SYBU: variants seen among roughly 807,000 people sequenced by gnomAD.
SYBU encodes the protein GOLSYN A protein.
SYBU carries 21 observed loss-of-function variants against 35.9 expected under a neutral mutation model. The observed-to-expected ratio is 0.58, with a 90% CI of 0.41 to 0.84. The LOEUF is 0.84. Among genes scored for constraint, SYBU ranks in the 40% least tolerant of loss-of-function variants. SYBU has a pLI of 0.00. For missense variants in SYBU, 768 were observed against 848.2 expected (o/e 0.91, Z 1.17); for synonymous variants, 319 against 324.3 (o/e 0.98, Z 0.18).
At chr8:109,672,343 T>C (rs537834164) in intron 1 of SYBU, among the ~76,000 whole-genome samples, 7 of 152,226 alleles carry the variant, frequency 4.6e-5, no homozygotes, top group Non-Finnish European at 7.4e-5. Flanking sequence ...GCTCATCTCA[T>C]TGGGGCTGGT....
intron 3 of SYBU, among the ~76,000 whole-genome samples, chr8:109,614,063 A>C (rs1811478082): frequency 6.6e-6 from 1 of 152,164 alleles, no homozygotes; most frequent in Non-Finnish European, 1.5e-5. Context: ...GATTCTTGTA[A>C]ATTTTAGTGA....
intron 3 of SYBU, chr8:109,608,092 T>A: frequency 1.4e-6 from 1 of 692,914 alleles, no homozygotes; most frequent in Non-Finnish European, 2.3e-6. Flanking sequence ...GGCAAGGAAG[T>A]TACTCTGCTG....
At chr8:109,609,601 C>T (rs1319273189) in intron 3 of SYBU, among the ~76,000 whole-genome samples, 1 of 152,130 alleles carries the variant, frequency 6.6e-6, no homozygotes, top group Non-Finnish European at 1.5e-5. Flanking sequence ...GCTAGTTGTA[C>T]ACTAATGTCC....
At chr8:109,606,318 G>C (rs1208066850) in intron 3 of SYBU, among the ~76,000 whole-genome samples, 2 of 152,132 alleles carry the variant, frequency 1.3e-5, no homozygotes, top group African/African-American at 4.8e-5. Context: ...TACAATAGAA[G>C]TTAATTTTTT....
At chr8:109,690,326 C>T (rs1019389409) in intron 1 of SYBU, among the ~76,000 whole-genome samples, 5 of 152,164 alleles carry the variant, frequency 3.3e-5, no homozygotes, top group Admixed American at 2.0e-4. Context: ...TCCTTTTGCC[C>T]CAAGGGCGCC....
intron 1 of SYBU, among the ~76,000 whole-genome samples, chr8:109,687,342 G>A (rs1393108142): frequency 2.6e-5 from 4 of 152,098 alleles, no homozygotes; most frequent in African/African-American, 4.8e-5. Flanking sequence ...TAAAGCTCAG[G>A]TCAAGTCATG....
chr8:109,675,878 C>G (rs1195381461), intron 1 of SYBU, among the ~76,000 whole-genome samples: 1 of 152,122 alleles, frequency 6.6e-6, no homozygotes, highest in Middle Eastern at 3.2e-3. Flanking sequence ...AACACTGATG[C>G]AAAAATCCTC....
At chr8:109,589,324 AGAT>A (rs1360237721) in intron 3 of SYBU, among the ~76,000 whole-genome samples, 2 of 152,232 alleles carry the variant, frequency 1.3e-5, no homozygotes, top group Admixed American at 6.5e-5. Flanking sequence ...GGTTAAATAA[AGAT>A]GATACTCATA....
intron 3 of SYBU, among the ~76,000 whole-genome samples, chr8:109,592,106 G>A (rs1183158562): frequency 1.3e-5 from 2 of 152,102 alleles, no homozygotes; most frequent in Non-Finnish European, 2.9e-5. Flanking sequence ...AATAGTACCA[G>A]TTTAGCTGAA....
At chr8:109,638,484 G>T (rs1156805497) in intron 2 of SYBU, among the ~76,000 whole-genome samples, 1 of 151,478 alleles carries the variant, frequency 6.6e-6, no homozygotes. Flanking sequence ...GGGGAGAAAA[G>T]ACAGGTTGAC....
upstream of SYBU, among the ~76,000 whole-genome samples, chr8:109,685,817 A>G (rs567332937): frequency 2.4e-4 from 36 of 152,230 alleles, no homozygotes; most frequent in Non-Finnish European, 2.9e-4. Flanking sequence ...ATCTATTGTA[A>G]TAAAAGTCAG....
intron 1 of SYBU, among the ~76,000 whole-genome samples, chr8:109,653,574 C>T (rs1252845939): frequency 6.6e-6 from 1 of 152,162 alleles, no homozygotes; most frequent in Non-Finnish European, 1.5e-5. Flanking sequence ...ACACTGCATG[C>T]TCTTGCTTTT....
chr8:109,662,921 C>T (rs1775103344), intron 1 of SYBU, among the ~76,000 whole-genome samples: 1 of 152,010 alleles, frequency 6.6e-6, no homozygotes, highest in South Asian at 2.1e-4. Context: ...TTTTGTTCTC[C>T]CTAAGACCTG....
At chr8:109,618,328 T>G (rs1812045680) in intron 3 of SYBU, among the ~76,000 whole-genome samples, 1 of 152,236 alleles carries the variant, frequency 6.6e-6, no homozygotes, top group African/African-American at 2.4e-5. Flanking sequence ...TTGTAATTAT[T>G]GAACATTTAC....
At chr8:109,587,272 CTATT>C (rs970287433) in intron 3 of SYBU, among the ~76,000 whole-genome samples, 14 of 152,132 alleles carry the variant, frequency 9.2e-5, no homozygotes, top group African/African-American at 3.1e-4. Flanking sequence ...ATAACAATGG[CTATT>C]TATTGAGTGT....
intron 1 of SYBU, among the ~76,000 whole-genome samples, chr8:109,661,992 A>G (rs1364317808): frequency 6.6e-6 from 1 of 152,136 alleles, no homozygotes; most frequent in Non-Finnish European, 1.5e-5. Context: ...TTCAAATCTC[A>G]CCTGGGTGCT....
At chr8:109,678,134 CAAAAAAA>C (rs758399888) in intron 1 of SYBU, among the ~76,000 whole-genome samples, 66 of 43,150 alleles carry the variant, frequency 1.5e-3, no homozygotes, top group East Asian at 3.0e-3. Flanking sequence ...AACTCCACCT[CAAAAAAA>C]AAAAAAAAAA....
intron 3 of SYBU, among the ~76,000 whole-genome samples, chr8:109,597,173 C>T (rs1824976066): frequency 6.6e-6 from 1 of 152,100 alleles, no homozygotes; most frequent in Non-Finnish European, 1.5e-5. Flanking sequence ...AGGAGATGGG[C>T]CCATGAACAT....
intron 4 of SYBU, chr8:109,580,274 T>C (rs1197477870): frequency 4.7e-6 from 2 of 422,854 alleles, no homozygotes; most frequent in Non-Finnish European, 8.8e-6. Flanking sequence ...AATAGCCTGC[T>C]AAGAACATAC....
Sources: gnomAD v4.1 joint callset for allele counts (sites outside exome capture counted in the v4.1 genomes callset) on GRCh38, gnomAD v4.1.1 for gene constraint, MANE v1.5 for transcripts, NCBI Gene and HGNC (gene_info 2026-07-23, HGNC 2026-07-21) for gene names.